Variants in GIGYF2 observed in about 807,000 individuals in gnomAD.
GIGYF2 encodes GRB10-interacting GYF protein 2.
In GIGYF2, 25 loss-of-function variants were observed where a neutral mutation model predicts 208.1. That is an observed-to-expected ratio of 0.12 (90% CI 0.09 to 0.17). GIGYF2 has a LOEUF of 0.17. GIGYF2 is among the 10% of genes least tolerant of loss of function. GIGYF2 has a pLI of 1.00. For missense variants in GIGYF2, 1,302 were observed against 1,579.4 expected, an observed-to-expected ratio of 0.82 and a Z score of 2.98; for synonymous variants, 534 against 543.8, an observed-to-expected ratio of 0.98 and a Z score of 0.25.
intron 22 of GIGYF2, among the ~76,000 whole-genome samples, chr2:232,837,466 T>C (rs1701674617): frequency 6.6e-6 from 1 of 152,198 alleles, no homozygotes; most frequent in Non-Finnish European, 1.5e-5. Flanking sequence ...ACTTTATTTA[T>C]TTTTTTGAGA....
At position 232,730,477 on chromosome 2, in the gene GIGYF2, T is replaced by C. The variant is rs1697419150; in HGVS notation, c.-43-4678T>C. 2.0e-5 allele frequency among the ~76,000 whole-genome samples: 3 copies of C among 150,500 alleles called. No homozygotes were observed. The South Asian group carries it at 6.3e-4, about 32-fold the overall frequency. ...ACAATTAGCTGGGTGTGGTGGTGCA[T>C]GCATGTAATCCCAGCCACTCAGGAG... is the stretch of plus-strand genomic sequence containing the variant. On this transcript the variant is annotated intron_variant, in intron 2 of 28. Transcript: ENST00000373563.
intron 8 of GIGYF2, among the ~76,000 whole-genome samples, chr2:232,778,511 C>T (rs536528600): frequency 2.6e-5 from 4 of 152,242 alleles, no homozygotes; most frequent in Middle Eastern, 3.4e-3. Context: ...ATTACAATAG[C>T]CTGAGCATTT....
Position 232,847,514 on chromosome 2 carries a change from G to A in GIGYF2, c.3627G>A (p.Leu1209=), listed in dbSNP as rs748062264. 5.8e-6 allele frequency: 8 copies of A among 1,376,506 alleles called. No homozygotes were observed. The highest frequency in any genetic ancestry group is 7.0e-6 in the Non-Finnish European group (7 of 1,004,070). 85.3% of individuals were successfully genotyped at this position (1,376,506 alleles called of 1,614,324 possible). ...KANQQRQQQQ[L]PQQQQQQPPQ... ...ACCAGCAGCGTCAGCAGCAGCAGCT[G>A]CCACAGCAGCAGCAGCAGCAGCCGC... The change falls in exon 27 of 29, where the codon CTG becomes CTA. Residue 1209 remains leucine, a synonymous_variant. Transcript: ENST00000373563.
rs543652485 is a variant in GIGYF2, at chr2:232,699,537, A to G, written c.-110+2145A>G. Among the ~76,000 whole-genome samples, 9 of 152,334 alleles carry G rather than the reference A, an allele frequency of 5.9e-5. No homozygotes were observed. In the South Asian group the frequency reaches 1.9e-3, roughly 32 times the overall value. On this transcript the variant is annotated intron_variant, in intron 1 of 28. Coordinates refer to ENST00000373563, the MANE Select transcript of GIGYF2 (RefSeq NM_001103146.3). ...TAATTTGGAAAAATTTAGGATGCTC[A>G]GTATTTCAGGAAATTATAATGAATT...
intron 21 of GIGYF2, among the ~76,000 whole-genome samples, chr2:232,829,353 T>C (rs1701347211): frequency 1.3e-5 from 2 of 152,368 alleles, no homozygotes; most frequent in Non-Finnish European, 2.9e-5. Context: ...TATATATTTT[T>C]TTCCTTATTC....
intron 15 of GIGYF2, among the ~76,000 whole-genome samples, chr2:232,809,229 C>T (rs1238013455): frequency 6.6e-6 from 1 of 152,188 alleles, no homozygotes; most frequent in Non-Finnish European, 1.5e-5. Context: ...AGGTGTGAGC[C>T]ACCACGCCCG....
chr2:232,801,450 A>G (rs932716616), intron 14 of GIGYF2, among the ~76,000 whole-genome samples: 1 of 152,202 alleles, frequency 6.6e-6, no homozygotes, highest in Non-Finnish European at 1.5e-5. Flanking sequence ...GCTAGAGCCC[A>G]GGAAGTTGAG....
chr2:232,753,138 T>G (rs1195063498), intron 5 of GIGYF2, among the ~76,000 whole-genome samples: 2 of 147,694 alleles, frequency 1.4e-5, no homozygotes, highest in African/African-American at 2.6e-5. Context: ...TTTATTTATT[T>G]ATTGAGACAG....
At chr2:232,708,410 G>GA (rs1454414961) in intron 2 of GIGYF2, among the ~76,000 whole-genome samples, 1 of 151,934 alleles carries the variant, frequency 6.6e-6, no homozygotes, top group Non-Finnish European at 1.5e-5. Flanking sequence ...GAAAGGGAAA[G>GA]AAAAGTGACA....
intron 3 of GIGYF2, chr2:232,735,558 A>T (rs1348448236): frequency 3.0e-6 from 1 of 333,230 alleles, no homozygotes; most frequent in Non-Finnish European, 4.8e-6. Context: ...TAATTATAAC[A>T]TTTTTATGTC....
At chr2:232,729,427 A>G (rs1328545515) in intron 2 of GIGYF2, 1 of 603,030 alleles carries the variant, frequency 1.7e-6, no homozygotes, top group South Asian at 3.2e-5. Context: ...AGGTCTCTTT[A>G]TTTGATAATT....
chr2:232,813,450 G>T, intron 18 of GIGYF2, among the ~76,000 whole-genome samples: 1 of 152,068 alleles, frequency 6.6e-6, no homozygotes, highest in South Asian at 2.1e-4. Flanking sequence ...CAAGTGATCC[G>T]CCCACCTTGG....
At chr2:232,734,699 G>A (rs915908805) in intron 2 of GIGYF2, among the ~76,000 whole-genome samples, 5 of 152,214 alleles carry the variant, frequency 3.3e-5, no homozygotes, top group Non-Finnish European at 7.3e-5. Flanking sequence ...AGTTGTGGCA[G>A]AAGCTATGTG....
chr2:232,797,446 T>A (rs978859065), intron 14 of GIGYF2, among the ~76,000 whole-genome samples: 1 of 151,738 alleles, frequency 6.6e-6, no homozygotes, highest in African/African-American at 2.4e-5. Context: ...TTTTACATGT[T>A]TGTTCATTGT....
chr2:232,765,889 C>G (rs1698939335), intron 8 of GIGYF2: 1 of 469,690 alleles, frequency 2.1e-6, no homozygotes, highest in African/African-American at 2.0e-5. Flanking sequence ...CTATCTTTAT[C>G]AGTTTCCAAA....
At chr2:232,845,938 C>CAG (rs1237371223) in intron 26 of GIGYF2, 52 bp downstream of exon 26, 1 of 1,288,466 alleles carries the variant, frequency 7.8e-7, no homozygotes, top group African/African-American at 1.5e-5. Flanking sequence ...GCAGGACCCA[C>CAG]AGAGAGGCTG....
intron 23 of GIGYF2, 94 bp downstream of exon 23, chr2:232,840,065 C>G (rs986797618): frequency 8.5e-6 from 11 of 1,291,504 alleles, no homozygotes; most frequent in Non-Finnish European, 1.2e-5. Flanking sequence ...CAATTACTGT[C>G]AGAATTGTTG....
At chr2:232,800,885 T>C (rs562284391) in intron 14 of GIGYF2, among the ~76,000 whole-genome samples, 1 of 152,008 alleles carries the variant, frequency 6.6e-6, no homozygotes, top group East Asian at 2.0e-4. Context: ...ACCCTGTCTC[T>C]CGCTTTTTTT....
Position 232,747,764 on chromosome 2 carries a change from G to T in GIGYF2, c.171+20G>T. On this transcript the variant is annotated intron_variant, in intron 4 of 28. Coordinates refer to ENST00000373563, the MANE Select transcript of GIGYF2 (RefSeq NM_001103146.3). ...AACAAGGTAAGAAAGTAGGAAAAGA[G>T]TTCAAAATTGTGAATGAGACTTTGG... 1 of 1,609,098 alleles carries T rather than the reference G, an allele frequency of 6.2e-7. No homozygotes were observed. Among genetic ancestry groups the T allele is most frequent in the Non-Finnish European group, 8.5e-7 (1 of 1,176,412 alleles).
Sources: allele counts gnomAD v4.1 joint callset (sites outside exome capture counted in the v4.1 genomes callset), GRCh38; gene constraint gnomAD v4.1.1; transcripts MANE v1.5; gene names NCBI Gene and HGNC (gene_info 2026-07-23, HGNC 2026-07-21).